Variants in ADGRL2 observed in about 807,000 individuals in gnomAD.
The protein encoded by ADGRL2 is calcium-independent alpha-latrotoxin receptor 2.
In ADGRL2, 44 loss-of-function variants were observed where a neutral mutation model predicts 157.4. That is an observed-to-expected ratio of 0.28 (90% confidence interval 0.22 to 0.36). The LOEUF is 0.36. Ranked by LOEUF, ADGRL2 falls within the 10% of genes least tolerant of loss-of-function variation. The pLI is 1.00. For missense variants in ADGRL2, 1,510 were observed against 1,768.9 expected (o/e 0.85, Z 2.63); for synonymous variants, 585 against 624.7 (o/e 0.94, Z 0.95).
chr1:81,485,146 T>A (rs1373091646), intron 2 of ADGRL2, among the ~76,000 whole-genome samples: 1 of 149,466 alleles, frequency 6.7e-6, no homozygotes, highest in Non-Finnish European at 1.5e-5. Flanking sequence ...AAGCAAGGAA[T>A]TGAAAAGAAA....
intron 2 of ADGRL2, among the ~76,000 whole-genome samples, chr1:81,466,181 G>T (rs1239974630): frequency 6.6e-6 from 1 of 152,222 alleles, no homozygotes; most frequent in Non-Finnish European, 1.5e-5. Flanking sequence ...CCCACTGTCA[G>T]TGTTGTCAGG....
intron 2 of ADGRL2, among the ~76,000 whole-genome samples, chr1:81,870,382 T>G (rs1405659542): frequency 6.6e-6 from 1 of 152,088 alleles, no homozygotes; most frequent in Non-Finnish European, 1.5e-5. Context: ...TTATTCTTTC[T>G]TGGAGCATTT....
At chr1:81,869,773 T>C (rs756522698) in intron 2 of ADGRL2, among the ~76,000 whole-genome samples, 28 of 152,080 alleles carry the variant, frequency 1.8e-4, no homozygotes, top group Non-Finnish European at 3.7e-4. Context: ...GCATACTTTA[T>C]TTAGGTAGAC....
At chr1:81,666,952 GA>G (rs140609727) in intron 3 of ADGRL2, among the ~76,000 whole-genome samples, 2,678 of 152,264 alleles carry the variant, frequency 0.018, 34 homozygotes, top group South Asian at 0.052. Flanking sequence ...GAAAACAAAA[GA>G]AAATGTTCAG....
At position 81,434,539 on chromosome 1, in the gene ADGRL2, G is replaced by C. The variant is rs190475041; in HGVS notation, c.-301-10497G>C. 3.3e-3 allele frequency among the ~76,000 whole-genome samples: 509 copies of C among 152,230 alleles called. 4 individuals are homozygous for C. The highest frequency in any genetic ancestry group is 0.011 in the African/African-American group (474 of 41,536). On this transcript the variant is annotated intron_variant, in intron 1 of 24. Coordinates refer to the ADGRL2 transcript ENST00000370721. The stretch of plus-strand genomic sequence containing the variant: ...CCATAAATATGTGTTGAATTAATGA[G>C]TGAACTAGTGAATAAGTGAATGAAC...
At chr1:81,421,690 C>T (rs976607766) in intron 1 of ADGRL2, among the ~76,000 whole-genome samples, 3 of 142,978 alleles carry the variant, frequency 2.1e-5, no homozygotes, top group Admixed American at 7.1e-5. Context: ...AACATCTCAA[C>T]TAAATATTCT....
chr1:81,327,314 CG>C (rs1285304580), intron 1 of ADGRL2, among the ~76,000 whole-genome samples: 3 of 152,130 alleles, frequency 2.0e-5, no homozygotes, highest in African/African-American at 7.2e-5. Flanking sequence ...AGGAGATCTG[CG>C]GAAGCCTTTC....
chr1:81,920,458 C>T (rs1452116916), intron 3 of ADGRL2, among the ~76,000 whole-genome samples: 1 of 152,126 alleles, frequency 6.6e-6, no homozygotes, highest in Non-Finnish European at 1.5e-5. Flanking sequence ...TGCTGATGGG[C>T]TCACAGCTGA....
At chr1:81,558,148 G>T (rs2148436122) in intron 2 of ADGRL2, among the ~76,000 whole-genome samples, 1 of 152,250 alleles carries the variant, frequency 6.6e-6, no homozygotes, top group East Asian at 1.9e-4. Context: ...AATGAACGAT[G>T]TCTTCCATGT....
At chr1:81,976,729 C>T (rs1298508858) in intron 17 of ADGRL2, among the ~76,000 whole-genome samples, 1 of 151,856 alleles carries the variant, frequency 6.6e-6, no homozygotes, top group Non-Finnish European at 1.5e-5. Context: ...AAGCATGTGA[C>T]TTGACTAGTG....
At chr1:81,561,440 T>C (rs184026481) in intron 2 of ADGRL2, among the ~76,000 whole-genome samples, 7 of 149,738 alleles carry the variant, frequency 4.7e-5, no homozygotes, top group Admixed American at 3.3e-4. Flanking sequence ...TGTTTTGTTC[T>C]GTTTTTTTTT....
chr1:81,577,919 G>A lies in ADGRL2; in HGVS notation c.-247-2957G>A, dbSNP rs141430987. Reference sequence around the variant, plus strand: ...AATTTTTTAAAAATCAGTAAGAAAAGGTGCAAACCATTAGGAAAGCATTTA... The same window carrying A: ...AATTTTTTAAAAATCAGTAAGAAAAAGTGCAAACCATTAGGAAAGCATTTA... On this transcript the variant is annotated intron_variant, in intron 2 of 24. Coordinates refer to the ADGRL2 transcript ENST00000370721. Among the ~76,000 whole-genome samples, 642 of 152,200 alleles carry A rather than the reference G, an allele frequency of 4.2e-3. 12 individuals carry two copies. Among genetic ancestry groups the A allele is most frequent in the African/African-American group, 0.014 (599 of 41,542 alleles).
intron 2 of ADGRL2, among the ~76,000 whole-genome samples, chr1:81,868,155 T>C (rs1265075648): frequency 6.6e-6 from 1 of 151,976 alleles, no homozygotes; most frequent in Non-Finnish European, 1.5e-5. Context: ...GTGCCACTGC[T>C]ATGTGCTAGG....
intron 2 of ADGRL2, among the ~76,000 whole-genome samples, chr1:81,530,544 T>A (rs2079571878): frequency 6.6e-6 from 1 of 151,992 alleles, no homozygotes; most frequent in South Asian, 2.1e-4. Flanking sequence ...AGATGGGGTT[T>A]CACCATGTTG....
chr1:81,327,164 G>A (rs1408057616), intron 1 of ADGRL2, among the ~76,000 whole-genome samples: 2 of 152,094 alleles, frequency 1.3e-5, no homozygotes, highest in Non-Finnish European at 2.9e-5. Flanking sequence ...GCACATCGAT[G>A]TTTTATGCAT....
intron 2 of ADGRL2, among the ~76,000 whole-genome samples, chr1:81,548,256 A>G (rs1225005508): frequency 6.6e-6 from 1 of 152,096 alleles, no homozygotes; most frequent in Non-Finnish European, 1.5e-5. Context: ...AATGCTAATC[A>G]CAATCAACTA....
rs1008062839 is a variant in ADGRL2, at chr1:81,905,930, G to A, written c.74-1087G>A. Among the ~76,000 whole-genome samples, 27 of 150,494 alleles carry A rather than the reference G, an allele frequency of 1.8e-4. 1 individual carries two copies. The highest frequency in any genetic ancestry group is 6.4e-4 in the African/African-American group (26 of 40,596). On this transcript the variant is annotated intron_variant, in intron 2 of 23. Coordinates refer to ENST00000686636, the MANE Select transcript of ADGRL2 (RefSeq NM_001366006.2). ...TAGATATTTCAGTACAAGGTCAGGAGATGGAGAAAAAAGCAGAGTGTGTGT... is the reference window on the plus strand; with the variant it reads ...TAGATATTTCAGTACAAGGTCAGGAAATGGAGAAAAAAGCAGAGTGTGTGT...
chr1:81,889,560 C>T lies in ADGRL2; in HGVS notation c.74-17457C>T, dbSNP rs564052254. Reference sequence around the variant, plus strand: ...GGCTGAAGGAAAGAAGCCATTGTTCCCATAACATAGAAGTGGGAGGTAAAG... The same window carrying T: ...GGCTGAAGGAAAGAAGCCATTGTTCTCATAACATAGAAGTGGGAGGTAAAG... On this transcript the variant is annotated intron_variant, in intron 2 of 23. Transcript: ENST00000686636. 6.2e-5 allele frequency among the ~76,000 whole-genome samples: 9 copies of T among 145,334 alleles called. No homozygotes were observed. In the East Asian group the frequency reaches 1.8e-3, roughly 29 times the overall value.
At chr1:81,635,728 T>C (rs911135994) in intron 3 of ADGRL2, among the ~76,000 whole-genome samples, 4 of 152,124 alleles carry the variant, frequency 2.6e-5, no homozygotes, top group Non-Finnish European at 2.9e-5. Flanking sequence ...TCCTAAGATA[T>C]CACATTGGGG....
Sources: allele counts gnomAD v4.1 joint callset (sites outside exome capture counted in the v4.1 genomes callset), GRCh38; gene constraint gnomAD v4.1.1; transcripts MANE v1.5; gene names NCBI Gene and HGNC (gene_info 2026-07-23, HGNC 2026-07-21).